PCDHGB2: variants seen among roughly 807,000 people sequenced by gnomAD.
PCDHGB2 encodes the protein protocadherin gamma-B2.
In PCDHGB2, 55 loss-of-function variants were observed where a neutral mutation model predicts 59.3. That is an observed-to-expected ratio of 0.93 (90% CI 0.75 to 1.16). The LOEUF is 1.16. Ranked by LOEUF, PCDHGB2 falls within the 50% of genes most tolerant of loss-of-function variation. The probability of loss-of-function intolerance (pLI) is 0.00; values close to 1 mark genes in which losing one functional copy is unlikely to be tolerated. For synonymous variants in PCDHGB2, 516 were observed against 512.0 expected, an observed-to-expected ratio of 1.01 and a Z score of -0.11; for missense variants, 1,228 against 1,198.5, an observed-to-expected ratio of 1.02 and a Z score of -0.36.
intron 1 of PCDHGB2, chr5:141,427,090 A>G: frequency 2.2e-6 from 1 of 458,214 alleles, no homozygotes; most frequent in East Asian, 6.9e-5. Context: ...GACCAGGATG[A>G]GGGTGTCAAT....
At chr5:141,419,623 G>A in intron 1 of PCDHGB2, 1 of 1,612,328 alleles carries the variant, frequency 6.2e-7, no homozygotes, top group East Asian at 2.2e-5. Context: ...GCTACCTGGT[G>A]ACCAAGGTGG....
At chr5:141,470,649 C>T (rs1486535307) in intron 1 of PCDHGB2, among the ~76,000 whole-genome samples, 1 of 152,160 alleles carries the variant, frequency 6.6e-6, no homozygotes, top group African/African-American at 2.4e-5. Flanking sequence ...TTGAAGGCCC[C>T]TACCCTTTGG....
intron 1 of PCDHGB2, among the ~76,000 whole-genome samples, chr5:141,458,227 G>T (rs2154566190): frequency 6.6e-6 from 1 of 152,284 alleles, no homozygotes; most frequent in South Asian, 2.1e-4. Context: ...TCCTTTCCCA[G>T]TCCATGCACC....
In PCDHGB2 at chr5:141,510,983, C is replaced by T; in HGVS notation, c.2606C>T (p.Ala869Val). The change falls in exon 4 of 4, where the codon GCC becomes GTC. Residue 869 changes from alanine to valine, a missense_variant. Around this residue, in one of 3 missense-constraint regions of PCDHGB2, gnomAD observed 433 missense variants for 441.8 expected, o/e 0.98. Transcript: ENST00000522605. The stretch of plus-strand genomic sequence containing the variant: ...GGGAGCTCCACCCTGGGAGGGGGTG[C>T]CGGCACCATGGGATTGAGCGCCCGC... ...ADGSSTLGGG[A>V]GTMGLSARYG... The T allele has an allele frequency of 6.2e-7, 1 of 1,614,162 alleles. No homozygotes were observed. The highest frequency in any genetic ancestry group is 8.5e-7 in the Non-Finnish European group (1 of 1,180,012).
At chr5:141,393,442 T>G (rs932289283) in intron 1 of PCDHGB2, 3 of 1,614,056 alleles carry the variant, frequency 1.9e-6, no homozygotes, top group Non-Finnish European at 2.5e-6. Context: ...GCTCACCACC[T>G]GGTCCTCACG....
intron 1 of PCDHGB2, chr5:141,395,037 G>A: frequency 1.9e-6 from 3 of 1,614,134 alleles, no homozygotes; most frequent in Non-Finnish European, 2.5e-6. Flanking sequence ...ACATTTTGTG[G>A]GTGTTGAGGA....
At chr5:141,481,560 G>A (rs1594155886) in intron 1 of PCDHGB2, among the ~76,000 whole-genome samples, 1 of 152,212 alleles carries the variant, frequency 6.6e-6, no homozygotes, top group Non-Finnish European at 1.5e-5. Flanking sequence ...GCTCACGCCT[G>A]TAATCCCAGT....
intron 1 of PCDHGB2, among the ~76,000 whole-genome samples, chr5:141,387,085 C>T (rs1242993034): frequency 6.6e-6 from 1 of 152,168 alleles, no homozygotes; most frequent in African/African-American, 2.4e-5. Flanking sequence ...TGCCTGTGAT[C>T]ATCGAAATGA....
chr5:141,366,383 G>A, intron 1 of PCDHGB2: 1 of 1,614,130 alleles, frequency 6.2e-7, no homozygotes, highest in Non-Finnish European at 8.5e-7. Flanking sequence ...CATTGACCCT[G>A]AGGATCTGGA....
chr5:141,433,352 T>C (rs976015031), intron 1 of PCDHGB2: 16 of 614,162 alleles, frequency 2.6e-5, no homozygotes, highest in Non-Finnish European at 3.7e-5. Flanking sequence ...AGCCACCTAC[T>C]GTCTGCCTAT....
intron 1 of PCDHGB2, among the ~76,000 whole-genome samples, chr5:141,437,426 C>T (rs531265278): frequency 6.6e-6 from 1 of 152,268 alleles, no homozygotes; most frequent in South Asian, 2.1e-4. Flanking sequence ...CTTTTTGAAG[C>T]AGCAATAGCA....
rs1481151067 is a variant in PCDHGB2, at chr5:141,477,223, T to A, written c.2422-17584T>A. On this transcript the variant is annotated intron_variant, in intron 1 of 3. Transcript: ENST00000522605. This position sits in a 1 kb window ranked among gnomAD's most constrained non-coding sequence, Gnocchi z 4.9. ...TACCCGAGGATGCCCCTCTGGGGAC[T>A]GTCATCGCTTTGCTCAGTGTGACTG... The A allele has an allele frequency of 6.2e-7, 1 of 1,614,198 alleles. No individual in the cohort carries two copies. The highest frequency in any genetic ancestry group is 1.1e-5 in the South Asian group (1 of 91,084).
chr5:141,404,906 C>G, intron 1 of PCDHGB2: 8 of 1,613,864 alleles, frequency 5.0e-6, no homozygotes, highest in Non-Finnish European at 5.1e-6. Context: ...CCATGGCCAG[C>G]CCCCTCTCTC....
intron 1 of PCDHGB2, chr5:141,389,801 C>T: frequency 6.2e-7 from 1 of 1,613,766 alleles, no homozygotes; most frequent in South Asian, 1.1e-5. Context: ...TCCGCCAGCG[C>T]CTTCTGGTCG....
Position 141,431,180 on chromosome 5 carries a change from A to C in PCDHGB2, c.2422-63627A>C. The C allele has an allele frequency of 6.2e-7, 1 of 1,614,246 alleles. No homozygotes were observed. The highest frequency in any genetic ancestry group is 8.5e-7 in the Non-Finnish European group (1 of 1,180,044). On this transcript the variant is annotated intron_variant, in intron 1 of 3. Transcript: ENST00000522605. This position sits in a 1 kb window ranked among gnomAD's most constrained non-coding sequence, Gnocchi z 4.8. ...CTTTCGTGAAAGTGAATTAGAAATA[A>C]AAATTAGTGAAAATGCAGCCACTGA...
chr5:141,415,264 C>T, intron 1 of PCDHGB2: 3 of 1,614,210 alleles, frequency 1.9e-6, no homozygotes, highest in South Asian at 1.1e-5. Flanking sequence ...CACTCTGTAC[C>T]TGGTGGTAGC....
chr5:141,364,257 C>T, intron 1 of PCDHGB2: 1 of 1,495,330 alleles, frequency 6.7e-7, no homozygotes, highest in Non-Finnish European at 8.9e-7. Flanking sequence ...GGAATATGTA[C>T]CCATCGGCTT....
chr5:141,394,194 A>C (rs919478906), intron 1 of PCDHGB2: 3 of 1,613,842 alleles, frequency 1.9e-6, no homozygotes, highest in Non-Finnish European at 2.5e-6. Flanking sequence ...CTCAGCGTAT[A>C]TCCTAGAGAA....
Position 141,476,247 on chromosome 5 carries a change from G to A in PCDHGB2, c.2422-18560G>A. The A allele has an allele frequency of 6.2e-7, 1 of 1,614,042 alleles. No individual in the cohort carries two copies. Among genetic ancestry groups the A allele is most frequent in the Non-Finnish European group, 8.5e-7 (1 of 1,180,010 alleles). Reference sequence around the variant, plus strand: ...GAGATCCCGGAGGAAAGAGAGAAGGGTTTCGCTGTGGGCAACGTGGTCGCG... The same window carrying A: ...GAGATCCCGGAGGAAAGAGAGAAGGATTTCGCTGTGGGCAACGTGGTCGCG... On this transcript the variant is annotated intron_variant, in intron 1 of 3. Transcript: ENST00000522605. This position sits in a 1 kb window ranked among gnomAD's most constrained non-coding sequence, Gnocchi z 7.6.
Sources: gnomAD v4.1 joint callset for allele counts (sites outside exome capture counted in the v4.1 genomes callset) on GRCh38, gnomAD v4.1.1 for gene constraint, gnomAD v4.1.1 regional missense constraint, Gnocchi (gnomAD v3.1) non-coding constraint, MANE v1.5 for transcripts, NCBI Gene and HGNC (gene_info 2026-07-23, HGNC 2026-07-21) for gene names.